The following ADCK1 variants were observed in gnomAD, a reference collection of about 807,000 sequenced individuals.
ADCK1 encodes the protein aarF domain-containing protein kinase 1.
In ADCK1, 41 loss-of-function variants were observed where a neutral mutation model predicts 52.3. That is an observed-to-expected ratio of 0.78 (90% CI 0.61 to 1.02). The LOEUF is 1.02. Ranked by LOEUF, ADCK1 falls within the 50% of genes least tolerant of loss-of-function variation. The probability of loss-of-function intolerance (pLI) is 0.00; values close to 1 mark genes in which losing one functional copy is unlikely to be tolerated. For synonymous variants in ADCK1, 250 were observed against 274.6 expected (o/e 0.91, Z 0.89); for missense variants, 658 against 679.5 (o/e 0.97, Z 0.35).
At chr14:77,810,090 A>AG (rs2081308845) in intron 1 of ADCK1, among the ~76,000 whole-genome samples, 1 of 151,354 alleles carries the variant, frequency 6.6e-6, no homozygotes, top group South Asian at 2.1e-4. Flanking sequence ...TGGGTATGTC[A>AG]GGCATTGCCT....
At chr14:77,929,707 T>C (rs1279549857) in intron 9 of ADCK1, among the ~76,000 whole-genome samples, 5 of 151,998 alleles carry the variant, frequency 3.3e-5, no homozygotes, top group Middle Eastern at 3.2e-3. Flanking sequence ...CGCTCTGTTG[T>C]CTAGGCTGGA....
intron 7 of ADCK1, among the ~76,000 whole-genome samples, chr14:77,921,058 G>A (rs2084038130): frequency 6.6e-6 from 1 of 151,702 alleles, no homozygotes; most frequent in Admixed American, 6.6e-5. Flanking sequence ...CAGGCGCGGT[G>A]GCTCACGCCT....
intron 1 of ADCK1, among the ~76,000 whole-genome samples, chr14:77,808,735 C>A (rs902991880): frequency 3.9e-5 from 6 of 152,124 alleles, no homozygotes; most frequent in Non-Finnish European, 5.9e-5. Context: ...ACTACCACGC[C>A]TGGTTAATTT....
intron 7 of ADCK1, among the ~76,000 whole-genome samples, chr14:77,908,696 T>C (rs1302299075): frequency 6.6e-6 from 1 of 152,152 alleles, no homozygotes; most frequent in Non-Finnish European, 1.5e-5. Flanking sequence ...AGGCTCAACA[T>C]TGATCATTTT....
In ADCK1 at chr14:77,850,381, A is replaced by G. The variant is rs369065091; in HGVS notation, c.220-8695A>G. 1.0e-3 allele frequency among the ~76,000 whole-genome samples: 159 copies of G among 152,302 alleles called. 1 individual carries two copies. Among genetic ancestry groups the G allele is most frequent in the African/African-American group, 3.6e-3 (150 of 41,572 alleles). ...TTTCTATCTATTTGTTATATCATGT[A>G]TTGAGAAGATATTGAAATCTCTGCC... is the stretch of plus-strand genomic sequence containing the variant. On this transcript the variant is annotated intron_variant, in intron 3 of 10. Coordinates refer to ENST00000238561, the MANE Select transcript of ADCK1 (RefSeq NM_020421.4).
intron 4 of ADCK1, among the ~76,000 whole-genome samples, chr14:77,862,050 T>C (rs138638739): frequency 6.6e-6 from 1 of 152,338 alleles, no homozygotes; most frequent in Non-Finnish European, 1.5e-5. Flanking sequence ...CCTCATGTCC[T>C]CTAATTCCCA....
intron 3 of ADCK1, among the ~76,000 whole-genome samples, chr14:77,828,707 A>T (rs1056192676): frequency 3.3e-5 from 5 of 152,054 alleles, no homozygotes; most frequent in African/African-American, 7.2e-5. Flanking sequence ...TTGTATTTTT[A>T]GTAGAGACGG....
rs2082090927 is a variant in ADCK1 at position 77,842,453 on chromosome 14, TTCCTTCCTTCCTTCCTTCCTTCCTTCC to T, written c.220-16621_220-16595del. Among the ~76,000 whole-genome samples, 46 of 52,198 alleles carry T rather than the reference TTCCTTCCTTCCTTCCTTCCTTCCTTCC, an allele frequency of 8.8e-4. 1 individual carries two copies. The highest frequency in any genetic ancestry group is 9.8e-3 in the Middle Eastern group (1 of 102). The allele number at this position is 52,198 out of a possible 152,430, so 34.2% of individuals were successfully genotyped here. ...TATCTTTCAGGGTATTTTTTTTTCC[TTCCTTCCTTCCTTCCTTCCTTCCTTCC>T]TTCCTTCCTTCCTTCCTTCCTTCCT... On this transcript the variant is annotated intron_variant, in intron 3 of 10. Coordinates refer to ENST00000238561, the MANE Select transcript of ADCK1 (RefSeq NM_020421.4).
chr14:77,847,812 A>C (rs1009939775), intron 3 of ADCK1, among the ~76,000 whole-genome samples: 1 of 152,094 alleles, frequency 6.6e-6, no homozygotes, highest in African/African-American at 2.4e-5. Context: ...ATCTGTTTCT[A>C]TAACGAGGCC....
At chr14:77,864,655 G>GTGTGTGTGTA (rs1185784327) in intron 4 of ADCK1, among the ~76,000 whole-genome samples, 2 of 151,864 alleles carry the variant, frequency 1.3e-5, no homozygotes, top group Non-Finnish European at 2.9e-5. Flanking sequence ...GTGTGTGTGT[G>GTGTGTGTGTA]TGTGTATGTG....
intron 3 of ADCK1, among the ~76,000 whole-genome samples, chr14:77,842,403 G>A (rs753826985): frequency 6.6e-6 from 1 of 151,010 alleles, no homozygotes; most frequent in African/African-American, 2.4e-5. Context: ...GTCTCTCTGA[G>A]GTTAGAGTGA....
intron 1 of ADCK1, among the ~76,000 whole-genome samples, chr14:77,811,427 G>A (rs2081336440): frequency 6.6e-6 from 1 of 152,110 alleles, no homozygotes; most frequent in African/African-American, 2.4e-5. Context: ...TGGTCACCCA[G>A]TTCATAAGTG....
intron 5 of ADCK1, among the ~76,000 whole-genome samples, chr14:77,896,170 G>A (rs1004168124): frequency 3.3e-5 from 5 of 152,160 alleles, no homozygotes; most frequent in Non-Finnish European, 7.3e-5. Flanking sequence ...TTATGTAATT[G>A]ATTAGTAACT....
intron 3 of ADCK1, among the ~76,000 whole-genome samples, chr14:77,836,919 G>A (rs1461214947): frequency 6.6e-6 from 1 of 151,102 alleles, no homozygotes; most frequent in African/African-American, 2.4e-5. Flanking sequence ...GATTACAGGT[G>A]CCTGCCACCT....
At chr14:77,841,449 A>C (rs1454340586) in intron 3 of ADCK1, among the ~76,000 whole-genome samples, 1 of 152,034 alleles carries the variant, frequency 6.6e-6, no homozygotes, top group African/African-American at 2.4e-5. Flanking sequence ...TAGGGGAAAA[A>C]AAACTCTATA....
Position 77,924,493 on chromosome 14 carries a change from A to G in ADCK1, c.895A>G (p.Ile299Val). ...RHLGKMYSEMIFVNGFVHCDP... is the reference protein window; with the variant it reads ...RHLGKMYSEMVFVNGFVHCDP... ...CCTGGGCAAGATGTATAGTGAGATG[A>G]TCTTCGTCAATGGCTTCGTGCACTG... The change falls in exon 8 of 11, where the codon ATC becomes GTC. Residue 299 changes from isoleucine to valine, a missense_variant. Coordinates refer to ENST00000238561, the MANE Select transcript of ADCK1 (RefSeq NM_020421.4). The G allele has an allele frequency of 6.2e-7, 1 of 1,614,114 alleles. No homozygotes were observed. The highest frequency in any genetic ancestry group is 8.5e-7 in the Non-Finnish European group (1 of 1,180,040).
intron 5 of ADCK1, among the ~76,000 whole-genome samples, chr14:77,890,946 A>C (rs2083270810): frequency 6.6e-6 from 1 of 152,190 alleles, no homozygotes; most frequent in South Asian, 2.1e-4. Context: ...TTGCTAGATC[A>C]AGTCCTAAGG....
At chr14:77,905,303 G>GTTTTTTTT (rs1566722295) in intron 6 of ADCK1, among the ~76,000 whole-genome samples, 1 of 65,338 alleles carries the variant, frequency 1.5e-5, no homozygotes, top group African/African-American at 7.1e-5. Context: ...TTTCCTAGCT[G>GTTTTTTTT]GTTTTTTTTT....
intron 1 of ADCK1, among the ~76,000 whole-genome samples, chr14:77,802,371 C>G (rs1191068992): frequency 6.6e-6 from 1 of 152,088 alleles, no homozygotes; most frequent in Non-Finnish European, 1.5e-5. Flanking sequence ...CTAGGATGGA[C>G]TGAATGGAGG....
Sources: allele counts gnomAD v4.1 joint callset (sites outside exome capture counted in the v4.1 genomes callset), GRCh38; gene constraint gnomAD v4.1.1; transcripts MANE v1.5; gene names NCBI Gene and HGNC (gene_info 2026-07-23, HGNC 2026-07-21).